Variants in BCAS1 observed in about 807,000 individuals in gnomAD.
BCAS1 encodes brain enriched myelin associated protein 1, also known as breast carcinoma-amplified sequence 1.
Under a neutral mutation model 65.4 loss-of-function variants are expected in BCAS1, and 46 were observed. The observed-to-expected ratio is 0.70, with a 90% confidence interval of 0.55 to 0.90. BCAS1 has a LOEUF of 0.90. Ranked by LOEUF, BCAS1 falls within the 40% of genes least tolerant of loss-of-function variation. The pLI, the probability that BCAS1 is intolerant of heterozygous loss-of-function variation, is 0.00. For missense variants in BCAS1, 793 were observed against 771.2 expected, an observed-to-expected ratio of 1.03 and a Z score of -0.33; for synonymous variants, 298 against 293.5, an observed-to-expected ratio of 1.02 and a Z score of -0.16.
At position 54,028,558 on chromosome 20, in the gene BCAS1, G is replaced by A. The variant is rs2091728571; in HGVS notation, c.557C>T (p.Ser186Phe). Residue 186 changes from serine to phenylalanine, a missense_variant, in exon 4 of 13, where the codon TCC becomes TTC. Physicochemically the swap from Ser to Phe is radical, Grantham distance 155. Transcript: ENST00000688948. ...ETGGAGGEAP[S>F]KPKDSSFFDK... Reference sequence around the variant, plus strand: ...AAAAAAGCTGGAGTCCTTGGGCTTGGAGGGAGCTTCTCCTCCTGCTCCCCC... The same window carrying A: ...AAAAAAGCTGGAGTCCTTGGGCTTGAAGGGAGCTTCTCCTCCTGCTCCCCC... The A allele has an allele frequency of 1.9e-6, 3 of 1,614,150 alleles. No individual in the cohort carries two copies. Among genetic ancestry groups the A allele is most frequent in the African/African-American group, 1.3e-5 (1 of 75,030 alleles).
intron 1 of BCAS1, among the ~76,000 whole-genome samples, chr20:54,065,474 C>T (rs946787204): frequency 1.3e-5 from 2 of 152,146 alleles, no homozygotes; most frequent in South Asian, 2.1e-4. Flanking sequence ...CTTTGGGGGG[C>T]GTGCACTGGT....
At chr20:54,068,044 C>T (rs958739892) in intron 1 of BCAS1, among the ~76,000 whole-genome samples, 19 of 152,198 alleles carry the variant, frequency 1.2e-4, no homozygotes, top group Non-Finnish European at 2.1e-4. Context: ...AACACGGCAG[C>T]TATTATCAGG....
At chr20:53,965,498 A>G (rs2090002731) in intron 10 of BCAS1, among the ~76,000 whole-genome samples, 1 of 152,204 alleles carries the variant, frequency 6.6e-6, no homozygotes, top group African/African-American at 2.4e-5. Flanking sequence ...TTGTTGCATT[A>G]TATTATTTAA....
intron 4 of BCAS1, among the ~76,000 whole-genome samples, chr20:54,011,440 G>T (rs1398120521): frequency 6.6e-6 from 1 of 151,882 alleles, no homozygotes; most frequent in African/African-American, 2.4e-5. Flanking sequence ...AGACGTGAGG[G>T]GGCATTTCAT....
chr20:53,988,465 C>T (rs1413236857), intron 7 of BCAS1, among the ~76,000 whole-genome samples: 1 of 152,196 alleles, frequency 6.6e-6, no homozygotes, highest in Non-Finnish European at 1.5e-5. Flanking sequence ...GTTTTAAGCA[C>T]CTGAATGTCC....
chr20:54,024,041 ATC>A (rs2091618130), intron 4 of BCAS1, among the ~76,000 whole-genome samples: 1 of 152,198 alleles, frequency 6.6e-6, no homozygotes, highest in Non-Finnish European at 1.5e-5. Flanking sequence ...TATATGGCCT[ATC>A]TCATTTAACT....
chr20:54,028,222 A>C, intron 4 of BCAS1, 170 bp downstream of exon 4: 2 of 680,872 alleles, frequency 2.9e-6, no homozygotes, highest in East Asian at 2.5e-5. Flanking sequence ...GTTTCTACCC[A>C]GAGAAACATC....
intron 12 of BCAS1, among the ~76,000 whole-genome samples, chr20:53,948,742 G>T (rs1414241735): frequency 6.6e-6 from 1 of 152,176 alleles, no homozygotes; most frequent in Admixed American, 6.5e-5. Context: ...GGTGGACAGT[G>T]ATTATTATTC....
chr20:54,000,212 T>C (rs899814462), intron 4 of BCAS1, among the ~76,000 whole-genome samples: 1 of 152,200 alleles, frequency 6.6e-6, no homozygotes, highest in Non-Finnish European at 1.5e-5. Flanking sequence ...ATTTTTTTGA[T>C]TGTCACGAGT....
chr20:53,948,570 C>T (rs1339555960), intron 12 of BCAS1, among the ~76,000 whole-genome samples: 1 of 152,150 alleles, frequency 6.6e-6, no homozygotes, highest in Non-Finnish European at 1.5e-5. Flanking sequence ...ACTCACTGGC[C>T]TCATACATAC....
intron 4 of BCAS1, among the ~76,000 whole-genome samples, chr20:54,011,598 G>C (rs1466186138): frequency 2.0e-5 from 3 of 152,214 alleles, no homozygotes; most frequent in African/African-American, 7.2e-5. Flanking sequence ...TAAATGCTGG[G>C]AAGGATGCAA....
At chr20:54,035,325 C>A (rs547312408) in intron 3 of BCAS1, among the ~76,000 whole-genome samples, 1 of 145,972 alleles carries the variant, frequency 6.9e-6, no homozygotes, top group Non-Finnish European at 1.5e-5. Flanking sequence ...GGTGTGAACC[C>A]GGGAGACAGA....
chr20:54,025,076 A>G (rs1292829565), intron 4 of BCAS1, among the ~76,000 whole-genome samples: 3 of 152,186 alleles, frequency 2.0e-5, no homozygotes, highest in African/African-American at 7.2e-5. Context: ...GAAAGTAACG[A>G]TTGCAGGATT....
chr20:54,041,365 T>C (rs556081764), intron 3 of BCAS1, among the ~76,000 whole-genome samples: 5 of 142,698 alleles, frequency 3.5e-5, no homozygotes, highest in Admixed American at 1.4e-4. Context: ...ATTAGATAAA[T>C]AAACAGCAAC....
chr20:53,957,316 A>T, intron 11 of BCAS1, 116 bp downstream of exon 11: 1 of 933,222 alleles, frequency 1.1e-6, no homozygotes, highest in Non-Finnish European at 1.7e-6. Flanking sequence ...GTAGGTGCTT[A>T]ATCCTGAGAT....
intron 3 of BCAS1, among the ~76,000 whole-genome samples, chr20:54,051,457 C>A (rs1365918925): frequency 6.6e-6 from 1 of 152,138 alleles, no homozygotes; most frequent in Admixed American, 6.5e-5. Context: ...CTCCTGAGGT[C>A]TCCCTCTCTT....
chr20:53,960,650 TATTA>T (rs1272779265), intron 10 of BCAS1, among the ~76,000 whole-genome samples: 1 of 152,152 alleles, frequency 6.6e-6, no homozygotes, highest in Admixed American at 6.5e-5. Context: ...CAGCAGTTAT[TATTA>T]ATAACAACTG....
chr20:54,022,287 G>A (rs158540), intron 4 of BCAS1, among the ~76,000 whole-genome samples: 1 of 114,028 alleles, frequency 8.8e-6, no homozygotes. Context: ...ATTGATTGTT[G>A]TGTGTGTGTG....
At chr20:53,953,986 T>G (rs996999677) in intron 11 of BCAS1, among the ~76,000 whole-genome samples, 3 of 152,328 alleles carry the variant, frequency 2.0e-5, no homozygotes, top group Admixed American at 1.3e-4. Flanking sequence ...GGAAACACCC[T>G]TCTTCCTCAT....
Sources: allele counts gnomAD v4.1 joint callset (sites outside exome capture counted in the v4.1 genomes callset), GRCh38; gene constraint gnomAD v4.1.1; transcripts MANE v1.5; gene names NCBI Gene and HGNC (gene_info 2026-07-23, HGNC 2026-07-21).